The following FHIT variants were observed in gnomAD, a reference collection of about 807,000 sequenced individuals.
The protein encoded by FHIT is bis(5'-adenosyl)-triphosphatase.
In FHIT, 19 loss-of-function variants were observed where a neutral mutation model predicts 17.9. The ratio of observed to expected loss-of-function variants is 1.06; its 90% CI spans 0.74 to 1.56. FHIT has a LOEUF of 1.56. Among genes scored for constraint, FHIT ranks in the 40% most tolerant of loss-of-function variants. The probability of loss-of-function intolerance (pLI) is 0.00; values close to 1 mark genes in which losing one functional copy is unlikely to be tolerated. For synonymous variants in FHIT, 81 were observed against 69.7 expected (o/e 1.16, Z -0.81); for missense variants, 248 against 189.2 (o/e 1.31, Z -1.82).
At chr3:59,810,742 C>A (rs1700380499) in intron 8 of FHIT, among the ~76,000 whole-genome samples, 1 of 152,150 alleles carries the variant, frequency 6.6e-6, no homozygotes, top group Admixed American at 6.5e-5. Context: ...CTGAAAAGGT[C>A]AACAGCACTA....
chr3:60,107,150 C>CTTTTTTT (rs540311961), intron 5 of FHIT, among the ~76,000 whole-genome samples: 17 of 95,160 alleles, frequency 1.8e-4, no homozygotes, highest in Admixed American at 3.9e-4. Context: ...AGCTTTAATT[C>CTTTTTTT]TTTTTTTTTT....
At chr3:60,360,602 C>T (rs1699867494) in intron 5 of FHIT, among the ~76,000 whole-genome samples, 1 of 152,120 alleles carries the variant, frequency 6.6e-6, no homozygotes, top group Non-Finnish European at 1.5e-5. Context: ...AATAGCTATC[C>T]TATGAAATAG....
intron 5 of FHIT, among the ~76,000 whole-genome samples, chr3:60,192,899 G>C (rs1702470481): frequency 6.6e-6 from 1 of 152,172 alleles, no homozygotes. Flanking sequence ...AATTTTGAAT[G>C]ACACAAGTTT....
chr3:60,819,021 CTTTTCTT>C (rs1701832601), intron 4 of FHIT, among the ~76,000 whole-genome samples: 1 of 60,772 alleles, frequency 1.6e-5, no homozygotes, highest in Admixed American at 2.2e-4. Context: ...TTTCTTTTTT[CTTTTCTT>C]TTTTCTTTTC....
chr3:59,763,410 G>C (rs1701629505), intron 8 of FHIT, among the ~76,000 whole-genome samples: 1 of 152,214 alleles, frequency 6.6e-6, no homozygotes, highest in Non-Finnish European at 1.5e-5. Context: ...GCAGGCAGCA[G>C]CAACTGGGTT....
chr3:60,432,409 G>A (rs17063126), intron 5 of FHIT, among the ~76,000 whole-genome samples: 15,259 of 152,138 alleles, frequency 0.1, 1,260 homozygotes, highest in East Asian at 0.38. Context: ...AAAGGAAAGA[G>A]CTCTGAGGGA....
chr3:60,280,579 C>T (rs1285466591), intron 5 of FHIT, among the ~76,000 whole-genome samples: 9 of 152,120 alleles, frequency 5.9e-5, no homozygotes, highest in African/African-American at 2.2e-4. Context: ...CACCCACACC[C>T]ACAACCCAAA....
chr3:59,958,443 T>C (rs1004948436), intron 7 of FHIT, among the ~76,000 whole-genome samples: 1 of 152,160 alleles, frequency 6.6e-6, no homozygotes, highest in Non-Finnish European at 1.5e-5. Context: ...AGGCAATTCC[T>C]CTTTTGAAAA....
intron 5 of FHIT, among the ~76,000 whole-genome samples, chr3:60,103,909 A>T (rs11919455): frequency 0.24 from 36,065 of 152,152 alleles, 4,442 homozygotes; most frequent in Middle Eastern, 0.34. Context: ...TCTAAAAAGC[A>T]GATCACTTTC....
intron 3 of FHIT, among the ~76,000 whole-genome samples, chr3:60,861,257 G>A (rs373400233): frequency 1.7e-5 from 1 of 59,458 alleles, no homozygotes; most frequent in Non-Finnish European, 3.6e-5. Flanking sequence ...TGATACATAT[G>A]ATATATCATA....
At chr3:60,167,163 G>T (rs560938862) in intron 5 of FHIT, among the ~76,000 whole-genome samples, 1 of 151,916 alleles carries the variant, frequency 6.6e-6, no homozygotes, top group South Asian at 2.1e-4. Flanking sequence ...CCTATAATCT[G>T]TTTTGTGTTA....
chr3:60,838,922 T>G (rs951505526), intron 3 of FHIT, among the ~76,000 whole-genome samples: 1 of 151,498 alleles, frequency 6.6e-6, no homozygotes, highest in Non-Finnish European at 1.5e-5. Flanking sequence ...GTTCTGAAAG[T>G]TAGGTAGTAA....
intron 3 of FHIT, among the ~76,000 whole-genome samples, chr3:60,936,174 A>G (rs1387351028): frequency 2.0e-5 from 3 of 152,248 alleles, no homozygotes; most frequent in Non-Finnish European, 4.4e-5. Flanking sequence ...TATATGCTGT[A>G]CATGGTACAT....
chr3:60,872,370 A>C (rs1205819028), intron 3 of FHIT, among the ~76,000 whole-genome samples: 2 of 152,152 alleles, frequency 1.3e-5, no homozygotes, highest in Non-Finnish European at 2.9e-5. Context: ...GGTTCCAATA[A>C]ATACGTACTT....
At chr3:60,946,687 GA>G (rs1280121837) in intron 3 of FHIT, among the ~76,000 whole-genome samples, 3 of 152,156 alleles carry the variant, frequency 2.0e-5, no homozygotes, top group Non-Finnish European at 4.4e-5. Flanking sequence ...CTCTGCGGAG[GA>G]AGAGAAAAGG....
At chr3:59,871,065 AT>A (rs2106903348) in intron 8 of FHIT, among the ~76,000 whole-genome samples, 1 of 152,288 alleles carries the variant, frequency 6.6e-6, no homozygotes, top group South Asian at 2.1e-4. Flanking sequence ...GTGACTTCAA[AT>A]TGCTATAAAG....
intron 7 of FHIT, among the ~76,000 whole-genome samples, chr3:59,960,477 C>T (rs181453577): frequency 2.0e-5 from 3 of 152,036 alleles, no homozygotes; most frequent in African/African-American, 7.3e-5. Context: ...CTTTGGAATA[C>T]CTTTTGGGCA....
chr3:59,816,996 A>G (rs981289179), intron 8 of FHIT, among the ~76,000 whole-genome samples: 7 of 152,092 alleles, frequency 4.6e-5, no homozygotes, highest in Admixed American at 2.6e-4. Flanking sequence ...ACAAAAGTGG[A>G]CCTTTGTTCA....
At chr3:60,833,909 G>A (rs1272072374) in intron 3 of FHIT, among the ~76,000 whole-genome samples, 3 of 152,110 alleles carry the variant, frequency 2.0e-5, no homozygotes, top group Non-Finnish European at 4.4e-5. Context: ...TTTTGGTTTT[G>A]TGTTTTTTTC....
Sources: allele counts gnomAD v4.1 joint callset (sites outside exome capture counted in the v4.1 genomes callset), GRCh38; gene constraint gnomAD v4.1.1; transcripts MANE v1.5; gene names NCBI Gene and HGNC (gene_info 2026-07-23, HGNC 2026-07-21).